KY: variants seen among roughly 807,000 people sequenced by gnomAD.
KY encodes the protein kyphoscoliosis peptidase.
A neutral mutation model predicts 76.1 loss-of-function variants in KY; 43 were observed. The observed-to-expected ratio is 0.57, with a 90% CI of 0.44 to 0.73. KY has a LOEUF of 0.73. Ranked by LOEUF, KY falls within the 30% of genes least tolerant of loss-of-function variation. The pLI is 0.00. For missense variants in KY, 722 were observed against 828.9 expected (o/e 0.87, Z 1.58); for synonymous variants, 277 against 326.2 (o/e 0.85, Z 1.63).
intron 7 of KY, chr3:134,619,948 A>G (rs1346971899): frequency 1.3e-5 from 2 of 152,248 alleles, no homozygotes; most frequent in Non-Finnish European, 2.9e-5. Flanking sequence ...TGGACCTCCT[A>G]CCTGTGCCAG....
At chr3:134,615,694 A>T (rs1403006250) in intron 8 of KY, among the ~76,000 whole-genome samples, 1 of 152,142 alleles carries the variant, frequency 6.6e-6, no homozygotes, top group Non-Finnish European at 1.5e-5. Flanking sequence ...TCCCTTTCAG[A>T]GGCCTTATAC....
At chr3:134,618,585 C>T (rs980678971) in intron 8 of KY, among the ~76,000 whole-genome samples, 7 of 146,480 alleles carry the variant, frequency 4.8e-5, no homozygotes, top group African/African-American at 1.5e-4. Flanking sequence ...CTGGCAATGG[C>T]CTGTTCTCCT....
At position 134,649,130 on chromosome 3, in the gene KY, A is replaced by T. The variant is rs542136175; in HGVS notation, c.137-1633T>A. Among the ~76,000 whole-genome samples the T allele has an allele frequency of 7.0e-3, 1,070 of 152,136 alleles. 11 individuals carry two copies. Among genetic ancestry groups the T allele is most frequent in the African/African-American group, 0.024 (1,004 of 41,476 alleles). On this transcript the variant is annotated intron_variant, in intron 1 of 10. Transcript: ENST00000423778. ...TGCTCTGGTTGTGAATAAGTGACAC[A>T]GATCTCTACACTGTCATTCATAGCA...
At chr3:134,647,594 C>T (rs574166316) in intron 1 of KY, 97 bp from the exon 2 acceptor site, 5 of 674,556 alleles carry the variant, frequency 7.4e-6, no homozygotes, top group African/African-American at 3.7e-5. Context: ...GCAGGTGGAT[C>T]TTGGCTCTCT....
In KY at chr3:134,619,182, C is replaced by T. The variant is rs1402883249; in HGVS notation, c.676G>A (p.Asp226Asn). Residue 226 changes from aspartate (D) to asparagine (N), a missense_variant, in exon 8 of 11, where the codon GAT (aspartate) becomes AAT (asparagine). By Grantham distance (23) the Asp-to-Asn change is conservative (BLOSUM62 1). This residue lies in a region of KY where 552 missense variants were observed against 680.9 expected (regional missense o/e 0.81). Transcript: ENST00000423778. ...CTCTCGAAGAGGCCAGCATAGCCAT[C>T]ACAGTTGGTCTTCTGGGTCCGCAGG... is the stretch of plus-strand genomic sequence containing the variant. ...DILRTQKTNC[D>N]GYAGLFERMC... 1.9e-6 allele frequency: 3 copies of T among 1,613,820 alleles called. No individual in the cohort carries two copies. Among genetic ancestry groups the T allele is most frequent in the Non-Finnish European group, 2.5e-6 (3 of 1,179,896 alleles).
At chr3:134,650,494 G>A (rs1275768458) in intron 1 of KY, among the ~76,000 whole-genome samples, 1 of 152,312 alleles carries the variant, frequency 6.6e-6, no homozygotes, top group Non-Finnish European at 1.5e-5. Context: ...CTGAGGCTCT[G>A]GCCGCCTTCC....
At chr3:134,624,942 C>A in intron 6 of KY, 111 bp downstream of exon 6, 1 of 955,626 alleles carries the variant, frequency 1.0e-6, no homozygotes, top group Non-Finnish European at 1.6e-6. Flanking sequence ...CAGGGCCATC[C>A]AACCAAGCCA....
intron 3 of KY, among the ~76,000 whole-genome samples, chr3:134,634,760 CCAA>C (rs1577748211): frequency 6.6e-6 from 1 of 152,260 alleles, no homozygotes; most frequent in East Asian, 1.9e-4. Context: ...ATAGAGAGGG[CCAA>C]CTTTTCCTAC....
chr3:134,606,376 C>T (rs192392975), intron 10 of KY, among the ~76,000 whole-genome samples: 355 of 152,312 alleles, frequency 2.3e-3, no homozygotes, highest in Non-Finnish European at 4.1e-3. Flanking sequence ...CAAGCACTCT[C>T]TCAGATCCTC....
chr3:134,647,201 C>T (rs990995475), intron 2 of KY, among the ~76,000 whole-genome samples: 2 of 152,226 alleles, frequency 1.3e-5, no homozygotes, highest in Admixed American at 1.3e-4. Flanking sequence ...AATGGGTGCT[C>T]AAGTTCCTGG....
intron 6 of KY, among the ~76,000 whole-genome samples, chr3:134,621,936 C>T (rs1962688790): frequency 6.6e-6 from 1 of 152,036 alleles, no homozygotes; most frequent in African/African-American, 2.4e-5. Flanking sequence ...AGAAGATATA[C>T]AAATGGCCAA....
At chr3:134,604,643 C>T (rs1959125553) in intron 10 of KY, among the ~76,000 whole-genome samples, 169 bp from the exon 11 acceptor site, 1 of 152,330 alleles carries the variant, frequency 6.6e-6, no homozygotes, top group South Asian at 2.1e-4. Context: ...ACCAATATGA[C>T]TTCACTGAGC....
intron 2 of KY, among the ~76,000 whole-genome samples, chr3:134,646,233 C>T (rs995529014): frequency 1.3e-5 from 2 of 152,208 alleles, no homozygotes; most frequent in Non-Finnish European, 1.5e-5. Flanking sequence ...AGAGCTAAAG[C>T]TGGCATGTCT....
chr3:134,609,889 T>C (rs868469950), intron 9 of KY, among the ~76,000 whole-genome samples: 2 of 152,258 alleles, frequency 1.3e-5, no homozygotes, highest in African/African-American at 2.4e-5. Context: ...TAAAGAAGGC[T>C]ATTAGCCCAC....
At position 134,603,624 on chromosome 3, in the gene KY, G is replaced by A. The variant is rs1325516946; in HGVS notation, c.1941C>T (p.His647=). The A allele has an allele frequency of 1.2e-6, 2 of 1,604,338 alleles. No homozygotes were observed. The highest frequency in any genetic ancestry group is 1.3e-5 in the African/African-American group (1 of 74,760). The change falls in exon 11 of 11, where the codon CAC becomes CAT. Residue 647 remains histidine (H), a synonymous_variant. Transcript: ENST00000423778. ...ATTTCAGGATGTAGGAGTAGAAATT[G>A]TGGTTGGCATTCTCCAGCACCATGA... The part of the protein sequence containing the change: ...VYVMVLENAN[H]NFYSYILKYK...
At chr3:134,637,254 G>A (rs1381707221) in intron 3 of KY, among the ~76,000 whole-genome samples, 1 of 152,188 alleles carries the variant, frequency 6.6e-6, no homozygotes, top group Non-Finnish European at 1.5e-5. Flanking sequence ...CGTAGGACTG[G>A]GTGCTATCGC....
intron 9 of KY, 49 bp downstream of exon 9, chr3:134,610,146 C>T: frequency 6.4e-7 from 1 of 1,566,516 alleles, no homozygotes; most frequent in East Asian, 2.2e-5. Context: ...CTGGCACATC[C>T]TCCACTTCCA....
rs187555799 is a variant in KY, at chr3:134,627,374, T to C, written c.400+382A>G. On this transcript the variant is annotated intron_variant, in intron 5 of 10. Transcript: ENST00000423778. ...GCAGGATTCCAACCCAGGCTGTCTA[T>C]CATCCCTCTCAGTGTTTCTTCCTCT... 3.3e-5 allele frequency among the ~76,000 whole-genome samples: 5 copies of C among 152,320 alleles called. No homozygotes were observed. The South Asian group carries it at 6.2e-4, about 19-fold the overall frequency.
intron 2 of KY, among the ~76,000 whole-genome samples, chr3:134,644,717 C>T (rs933221132): frequency 1.3e-5 from 2 of 152,194 alleles, no homozygotes; most frequent in Admixed American, 6.5e-5. Context: ...CAGTGGTTCC[C>T]GTGCCTGGGC....
Sources: gnomAD v4.1 joint callset for allele counts (sites outside exome capture counted in the v4.1 genomes callset) on GRCh38, gnomAD v4.1.1 for gene constraint, gnomAD v4.1.1 regional missense constraint, MANE v1.5 for transcripts, NCBI Gene and HGNC (gene_info 2026-07-23, HGNC 2026-07-21) for gene names.